PIEZO1: variants seen among roughly 807,000 people sequenced by gnomAD.
PIEZO1 encodes the protein piezo type mechanosensitive ion channel component 1 (Er blood group), also known as piezo-type mechanosensitive ion channel component 1.
A neutral mutation model predicts 297.2 loss-of-function variants in PIEZO1; 296 were observed. The ratio of observed to expected loss-of-function variants is 1.00; its 90% CI spans 0.91 to 1.10. The LOEUF is 1.10. PIEZO1 is among the 50% of genes least tolerant of loss of function. PIEZO1 has a pLI of 0.00. For missense variants in PIEZO1, 5,018 were observed against 3,455.5 expected (o/e 1.45, Z -11.34); for synonymous variants, 2,427 against 1,507.5 (o/e 1.61, Z -14.13).
chr16:88,717,270 C>T (rs1050790833), intron 44 of PIEZO1, 59 bp from the exon 45 acceptor site: 1 of 1,455,454 alleles, frequency 6.9e-7, no homozygotes, highest in Non-Finnish European at 9.3e-7. Context: ...GGTCACACAA[C>T]CGCATTCTCC....
chr16:88,742,959 C>T, intron 2 of PIEZO1: 1 of 409,732 alleles, frequency 2.4e-6, no homozygotes, highest in South Asian at 1.7e-5. Context: ...AGTTGCATCC[C>T]GATGCATGGC....
chr16:88,747,740 G>A (rs1254369943), intron 2 of PIEZO1, among the ~76,000 whole-genome samples: 2 of 152,214 alleles, frequency 1.3e-5, no homozygotes, highest in Non-Finnish European at 2.9e-5. Flanking sequence ...AATGGGGGCT[G>A]CCCAACAGCT....
chr16:88,778,377 A>G (rs1040579363), intron 1 of PIEZO1, among the ~76,000 whole-genome samples: 16 of 152,090 alleles, frequency 1.1e-4, no homozygotes, highest in Non-Finnish European at 1.5e-5. Flanking sequence ...AGCTATATAT[A>G]CCCACAGAAA....
chr16:88,724,562 C>A (rs536667523), intron 30 of PIEZO1, among the ~76,000 whole-genome samples: 2 of 148,918 alleles, frequency 1.3e-5, no homozygotes, highest in Non-Finnish European at 3.0e-5. Context: ...TGGAGTGGGG[C>A]ACATGCTTGT....
At chr16:88,772,280 G>A (rs1325245889) in intron 1 of PIEZO1, among the ~76,000 whole-genome samples, 2 of 152,264 alleles carry the variant, frequency 1.3e-5, no homozygotes, top group African/African-American at 4.8e-5. Context: ...CAGAATCCCA[G>A]ACGTATCATG....
At chr16:88,716,151 C>T (rs1006990165) in intron 49 of PIEZO1, 32 bp from the exon 50 acceptor site, 12 of 1,526,598 alleles carry the variant, frequency 7.9e-6, no homozygotes, top group African/African-American at 1.4e-5. Flanking sequence ...GTTGAGGCCG[C>T]AGGTCACCCC....
chr16:88,725,434 C>T lies in PIEZO1; in HGVS notation c.4144G>A (p.Asp1382Asn). 1.4e-6 allele frequency: 2 copies of T among 1,466,270 alleles called. No individual in the cohort carries two copies. The highest frequency in any genetic ancestry group is 1.8e-6 in the Non-Finnish European group (2 of 1,107,932). The allele number at this position is 1,466,270 out of a possible 1,614,324, so 90.8% of individuals were successfully genotyped here. Residue 1382 changes from aspartate (D) to asparagine (N), a missense_variant, in exon 29 of 51, where the codon GAC becomes AAC. Asp to Asn is a conservative substitution (Grantham distance 23). Transcript: ENST00000301015. ...CACTCACCTGGCTCCAGGCCGGGGT[C>T]CTTGGGGCCCAGGGTGTCCTGGGGG... is the stretch of plus-strand genomic sequence containing the variant. ...SRPQDTLGPK[D>N]PGLEPGPDSP...
At chr16:88,743,343 G>A in intron 2 of PIEZO1, 1 of 453,378 alleles carries the variant, frequency 2.2e-6, no homozygotes, top group Middle Eastern at 3.3e-4. Flanking sequence ...GCTGTGGACA[G>A]CTTCCCTTTC....
chr16:88,750,462 G>A (rs1011709214), intron 1 of PIEZO1, among the ~76,000 whole-genome samples: 5 of 152,332 alleles, frequency 3.3e-5, no homozygotes, highest in Admixed American at 1.3e-4. Flanking sequence ...GGCCGCACTC[G>A]CCACAGCCCC....
chr16:88,741,641 G>A (rs188511548), intron 4 of PIEZO1, 25 bp from the exon 5 acceptor site: 5 of 1,529,976 alleles, frequency 3.3e-6, no homozygotes, highest in East Asian at 2.5e-5. Flanking sequence ...GAGCAGCCGC[G>A]GTCAGACCAA....
rs79441376 is a variant in PIEZO1, at chr16:88,769,001, C to A, written c.64+15900G>T. The stretch of plus-strand genomic sequence containing the variant: ...CCCTATTCACTGCAAAGGCCACACA[C>A]TGAAGTACGCTAGGACACAGCAGCA... On this transcript the variant is annotated intron_variant, in intron 1 of 50. Coordinates refer to ENST00000301015, the MANE Select transcript of PIEZO1 (RefSeq NM_001142864.4). Among the ~76,000 whole-genome samples the A allele has an allele frequency of 7.1e-3, 1,086 of 152,362 alleles. 30 individuals are homozygous for A. In the East Asian group the frequency reaches 0.095, roughly 13 times the overall value.
In PIEZO1 at chr16:88,722,678, C is replaced by T; in HGVS notation, c.4680G>A (p.Val1560=). The change falls in exon 35 of 51, where the codon GTG becomes GTA. Residue 1560 remains valine, a synonymous_variant. Transcript: ENST00000301015. ...ACAGCTGATCCAGCACGCCCCTGTGCACTTCGCCGCCCTGCAGGGCACAGC... is the reference window on the plus strand; with the variant it reads ...ACAGCTGATCCAGCACGCCCCTGTGTACTTCGCCGCCCTGCAGGGCACAGC... The part of the protein sequence containing the change: ...LTQELLQGGE[V]HRGVLDQLYT... 6.5e-7 allele frequency: 1 copy of T among 1,537,486 alleles called. No individual in the cohort carries two copies. The highest frequency in any genetic ancestry group is 8.7e-7 in the Non-Finnish European group (1 of 1,146,374).
At position 88,721,832 on chromosome 16, in the gene PIEZO1, C is replaced by A. The variant is rs1165191433; in HGVS notation, c.5190G>T (p.Trp1730Cys). ...LSIPRPSKRF[W>C]MTAIVFTEIA... ...CCTCGGTGAAGACGATGGCCGTCAT[C>A]CAGAAGCGCTTGCTGGGCCTCGGGA... The change falls in exon 37 of 51, where the codon TGG becomes TGT. Residue 1730 changes from tryptophan to cysteine, a missense_variant. Transcript: ENST00000301015. 12 of 1,548,290 alleles carry A rather than the reference C, an allele frequency of 7.8e-6. No individual in the cohort carries two copies. The highest frequency in any genetic ancestry group is 1.0e-5 in the Non-Finnish European group (12 of 1,146,580).
Position 88,722,918 on chromosome 16 carries a change from C to A in PIEZO1, c.4587G>T (p.Leu1529=), listed in dbSNP as rs770267326. ...TGCCGTGGTGCCGGGTGAACTCCTG[C>A]AGCCAGCGTGTCAGCTCATCCACTA... ...QALVDELTRW[L]QEFTRHHGTM... The change falls in exon 34 of 51, where the codon CTG becomes CTT. Residue 1529 remains leucine, a synonymous_variant. Coordinates refer to ENST00000301015, the MANE Select transcript of PIEZO1 (RefSeq NM_001142864.4). The A allele has an allele frequency of 6.5e-7, 1 of 1,549,350 alleles. No individual in the cohort carries two copies. The highest frequency in any genetic ancestry group is 1.2e-5 in the South Asian group (1 of 84,064).
At chr16:88,723,475 G>A in intron 31 of PIEZO1, 147 bp from the exon 32 acceptor site, 1 of 896,116 alleles carries the variant, frequency 1.1e-6, no homozygotes. Flanking sequence ...CTCCCGGATG[G>A]GGACCCTGAG....
At chr16:88,723,803 A>AT in intron 31 of PIEZO1, 68 bp downstream of exon 31, 1 of 857,558 alleles carries the variant, frequency 1.2e-6, no homozygotes. Context: ...GACACCCTCT[A>AT]TGCTGCCCTG....
Position 88,733,666 on chromosome 16 carries a change from C to G in PIEZO1, c.2409G>C (p.Gln803His), listed in dbSNP as rs200029740. ...GCTCCAGCAGCCGCCGCAGGAACAC[C>G]TGCACGCGTGAGAGGACGTCCGAGA... is the stretch of plus-strand genomic sequence containing the variant. ...AGFSDVLSRV[Q>H]VFLRRLLELH... The change falls in exon 18 of 51, where the codon CAG becomes CAC. Residue 803 changes from glutamine (Q) to histidine (H), a missense_variant. Gln to His is a conservative substitution (Grantham distance 24). Transcript: ENST00000301015. The G allele has an allele frequency of 2.0e-3, 3,156 of 1,549,890 alleles. 6 individuals carry two copies. The highest frequency in any genetic ancestry group is 2.5e-3 in the Non-Finnish European group (2,894 of 1,146,676).
At chr16:88,723,845 G>T in intron 31 of PIEZO1, 26 bp downstream of exon 31, 1 of 1,235,462 alleles carries the variant, frequency 8.1e-7, no homozygotes, top group Non-Finnish European at 1.2e-6. Flanking sequence ...GGTTGGAGTG[G>T]GGCCGACGGG....
intron 1 of PIEZO1, among the ~76,000 whole-genome samples, chr16:88,755,220 G>GCCGCCCCCT (rs1412892434): frequency 1.2e-4 from 18 of 152,370 alleles, no homozygotes; most frequent in South Asian, 6.2e-4. Flanking sequence ...CGCCGCCCCC[G>GCCGCCCCCT]CCATGTGGCT....
Sources: gnomAD v4.1 joint callset for allele counts (sites outside exome capture counted in the v4.1 genomes callset) on GRCh38, gnomAD v4.1.1 for gene constraint, MANE v1.5 for transcripts, NCBI Gene and HGNC (gene_info 2026-07-23, HGNC 2026-07-21) for gene names.